Variants in SDC3 observed in about 807,000 individuals in gnomAD.
The protein encoded by SDC3 is syndecan 3, also known as syndecan-3.
Under a neutral mutation model 24.4 loss-of-function variants are expected in SDC3, and 13 were observed. The ratio of observed to expected loss-of-function variants is 0.53; its 90% confidence interval spans 0.35 to 0.85. The LOEUF is 0.85. SDC3 is among the 40% of genes least tolerant of loss of function. The probability of loss-of-function intolerance (pLI) is 0.01; values close to 1 mark genes in which losing one functional copy is unlikely to be tolerated. For missense variants in SDC3, 571 were observed against 584.5 expected (o/e 0.98, Z 0.24); for synonymous variants, 295 against 260.9 (o/e 1.13, Z -1.26).
At chr1:30,886,617 A>C (rs1468288211) in intron 1 of SDC3, among the ~76,000 whole-genome samples, 1 of 152,114 alleles carries the variant, frequency 6.6e-6, no homozygotes, top group Non-Finnish European at 1.5e-5. Flanking sequence ...CAGGAGTTGA[A>C]TTCTGGCCTT....
chr1:30,880,981 T>A (rs962336031), intron 1 of SDC3, among the ~76,000 whole-genome samples: 87 of 137,290 alleles, frequency 6.3e-4, no homozygotes, highest in African/African-American at 2.3e-3. Flanking sequence ...AACCCCCCCA[T>A]GCCTGATAGG....
chr1:30,874,103 G>A (rs1015892246), intron 4 of SDC3, among the ~76,000 whole-genome samples, 194 bp downstream of exon 4: 3 of 152,176 alleles, frequency 2.0e-5, no homozygotes, highest in African/African-American at 7.2e-5. Context: ...GTTGGATATT[G>A]GGAAGGAGGA....
At chr1:30,894,385 T>TGTGG (rs1639960778) in intron 1 of SDC3, among the ~76,000 whole-genome samples, 3 of 105,086 alleles carry the variant, frequency 2.9e-5, no homozygotes, top group South Asian at 3.2e-4. Context: ...GGTGAGAGTG[T>TGTGG]GAGTGTGTGG....
intron 1 of SDC3, among the ~76,000 whole-genome samples, chr1:30,898,789 C>T (rs1638338994): frequency 6.6e-6 from 1 of 152,156 alleles, no homozygotes; most frequent in African/African-American, 2.4e-5. Flanking sequence ...CTACAAGGGC[C>T]CCTGGGTCAC....
chr1:30,878,904 G>A, intron 1 of SDC3, 164 bp from the exon 2 acceptor site: 3 of 604,508 alleles, frequency 5.0e-6, no homozygotes, highest in Non-Finnish European at 8.9e-6. Flanking sequence ...AATTCACAGG[G>A]CAGGGGTGGG....
chr1:30,878,792 G>A lies in SDC3; in HGVS notation c.139-52C>T. On this transcript the variant is annotated intron_variant, in intron 1 of 4. Transcript: ENST00000339394. ...GCTCGGCACCCGAGACTGGCAGCCTGGGTGAGCCCAGAAGGGCGACAGGTG... is the reference window on the plus strand; with the variant it reads ...GCTCGGCACCCGAGACTGGCAGCCTAGGTGAGCCCAGAAGGGCGACAGGTG... 4.6e-6 allele frequency: 7 copies of A among 1,514,626 alleles called. No homozygotes were observed. The South Asian group carries it at 7.9e-5, about 17-fold the overall frequency. 93.8% of individuals were successfully genotyped at this position (1,514,626 alleles called of 1,614,324 possible).
chr1:30,891,750 G>C (rs1639907400), intron 1 of SDC3, among the ~76,000 whole-genome samples: 1 of 151,972 alleles, frequency 6.6e-6, no homozygotes, highest in African/African-American at 2.4e-5. Flanking sequence ...CTACTCAGAA[G>C]GCTGAGGCAG....
intron 1 of SDC3, among the ~76,000 whole-genome samples, chr1:30,907,302 G>A (rs1424550852): frequency 1.3e-5 from 2 of 152,160 alleles, no homozygotes; most frequent in East Asian, 1.9e-4. Context: ...CCTCAAAGGG[G>A]GATGAGGTCC....
At chr1:30,908,397 C>T (rs1056555935) in intron 1 of SDC3, 52 bp downstream of exon 1, 26 of 930,028 alleles carry the variant, frequency 2.8e-5, no homozygotes, top group African/African-American at 4.8e-5. Flanking sequence ...GCACCCCGCG[C>T]GGGGGGCGGC....
At chr1:30,894,452 TGGGGGGGTG>T (rs1639965270) in intron 1 of SDC3, among the ~76,000 whole-genome samples, 2 of 40,370 alleles carry the variant, frequency 5.0e-5, no homozygotes, top group South Asian at 1.2e-3. Flanking sequence ...TGGATGAGTG[TGGGGGGGTG>T]GATGAGTGTG....
Position 30,880,183 on chromosome 1 carries a change from C to T in SDC3, c.139-1443G>A, listed in dbSNP as rs536944199. 3.9e-5 allele frequency among the ~76,000 whole-genome samples: 6 copies of T among 152,186 alleles called. No homozygotes were observed. In the East Asian group the frequency reaches 1.2e-3, roughly 29 times the overall value. On this transcript the variant is annotated intron_variant, in intron 1 of 4. Coordinates refer to ENST00000339394, the MANE Select transcript of SDC3 (RefSeq NM_014654.4). ...GCTCAGTAGCCATCGACATGACAAC[C>T]GTTACCATGACGACCATCTTCTCCA...
chr1:30,886,745 A>C (rs545204347), intron 1 of SDC3, among the ~76,000 whole-genome samples: 2 of 152,166 alleles, frequency 1.3e-5, no homozygotes, highest in Non-Finnish European at 2.9e-5. Context: ...AGGCTGGGCC[A>C]TTCCATCCCT....
At chr1:30,877,810 T>C (rs1639675114) in intron 2 of SDC3, 1 of 153,516 alleles carries the variant, frequency 6.5e-6, no homozygotes, top group Admixed American at 6.5e-5. Context: ...ACTTTGCGAA[T>C]AGAGATGTGA....
intron 2 of SDC3, 79 bp from the exon 3 acceptor site, chr1:30,877,244 C>G (rs762309333): frequency 1.9e-6 from 3 of 1,573,286 alleles, no homozygotes; most frequent in Non-Finnish European, 1.7e-6. Context: ...TAAGCAATGG[C>G]CATCAAGATT....
intron 1 of SDC3, among the ~76,000 whole-genome samples, chr1:30,896,817 G>A (rs1570023933): frequency 3.9e-5 from 6 of 152,218 alleles, no homozygotes; most frequent in Admixed American, 3.9e-4. Context: ...CAAAATATTA[G>A]CCAGGCATGG....
intron 1 of SDC3, among the ~76,000 whole-genome samples, chr1:30,885,426 C>A (rs189425898): frequency 7.9e-5 from 12 of 152,266 alleles, no homozygotes; most frequent in Non-Finnish European, 1.5e-4. Context: ...TTCTCAGGAC[C>A]TTTCTGTATT....
chr1:30,881,617 G>T lies in SDC3; in HGVS notation c.139-2877C>A, dbSNP rs112386131. On this transcript the variant is annotated intron_variant, in intron 1 of 4. Transcript: ENST00000339394. ...GAGGCTCCGCAAGCGGCCCATGAAG[G>T]CCTGAGCATCAGGTCCCAGGGGAGC... is the stretch of plus-strand genomic sequence containing the variant. Among the ~76,000 whole-genome samples, 119 of 152,316 alleles carry T rather than the reference G, an allele frequency of 7.8e-4. 1 individual carries two copies. The highest frequency in any genetic ancestry group is 2.8e-3 in the African/African-American group (115 of 41,566).
chr1:30,900,404 T>G (rs1008490433), intron 1 of SDC3, among the ~76,000 whole-genome samples: 2 of 152,188 alleles, frequency 1.3e-5, no homozygotes, highest in Non-Finnish European at 2.9e-5. Flanking sequence ...AAGATGCAGC[T>G]GCAGACACCC....
intron 1 of SDC3, among the ~76,000 whole-genome samples, chr1:30,894,492 TG>T (rs11390282): frequency 1.2e-4 from 5 of 41,872 alleles, no homozygotes; most frequent in Admixed American, 3.2e-4. Flanking sequence ...TGGATGAATG[TG>T]GGGGGTGAGT....
Sources: allele counts gnomAD v4.1 joint callset (sites outside exome capture counted in the v4.1 genomes callset), GRCh38; gene constraint gnomAD v4.1.1; transcripts MANE v1.5; gene names NCBI Gene and HGNC (gene_info 2026-07-23, HGNC 2026-07-21).